SH2B1: variants seen among roughly 807,000 people sequenced by gnomAD.
The protein encoded by SH2B1 is SH2B adaptor protein 1.
In SH2B1, 15 loss-of-function variants were observed where a neutral mutation model predicts 62.6. That is an observed-to-expected ratio of 0.24 (90% CI 0.16 to 0.37). The LOEUF (loss-of-function observed/expected upper bound fraction) is 0.37, where lower values mean the gene tolerates loss of function less well. Ranked by LOEUF, SH2B1 falls within the 10% of genes least tolerant of loss-of-function variation. The pLI, the probability that SH2B1 is intolerant of heterozygous loss-of-function variation, is 1.00. For missense variants in SH2B1, 925 were observed against 1,015.6 expected (o/e 0.91, Z 1.21); for synonymous variants, 443 against 438.0 (o/e 1.01, Z -0.14).
chr16:28,852,878 TTATA>T lies in SH2B1; in HGVS notation c.-301+6057_-301+6060del, dbSNP rs373857735. ...TTTATATATATTTACATATATATTT[TTATA>T]TATATTTACATATATTTTTATATAT... On this transcript the variant is annotated intron_variant, in intron 1 of 10. Transcript: ENST00000322610. Among the ~76,000 whole-genome samples the T allele has an allele frequency of 6.7e-5, 3 of 45,000 alleles. 1 individual carries two copies. The highest frequency in any genetic ancestry group is 2.2e-4 in the African/African-American group (3 of 13,382). 29.5% of individuals were successfully genotyped at this position (45,000 alleles called of 152,430 possible).
chr16:28,847,770 GA>G (rs1962010340), intron 1 of SH2B1, among the ~76,000 whole-genome samples: 1 of 148,462 alleles, frequency 6.7e-6, no homozygotes, highest in Non-Finnish European at 1.5e-5. Flanking sequence ...GGTGAGGTAT[GA>G]TCATGACACT....
chr16:28,852,329 TAC>T (rs1253043458), intron 1 of SH2B1, among the ~76,000 whole-genome samples: 1 of 76,690 alleles, frequency 1.3e-5, no homozygotes, highest in African/African-American at 5.8e-5. Flanking sequence ...TATATATATT[TAC>T]ATATATATTT....
chr16:28,847,010 C>T (rs886961300), intron 1 of SH2B1, among the ~76,000 whole-genome samples: 1 of 152,158 alleles, frequency 6.6e-6, no homozygotes, highest in African/African-American at 2.4e-5. Flanking sequence ...CCTGTGAGGT[C>T]AGGCAGCTTG....
chr16:28,866,268 C>T lies in SH2B1; in HGVS notation c.174C>T (p.Pro58=), dbSNP rs774495215. 24 of 1,610,252 alleles carry T rather than the reference C, an allele frequency of 1.5e-5. No individual in the cohort carries two copies. The highest frequency in any genetic ancestry group is 1.6e-4 in the Middle Eastern group (1 of 6,072). Reference sequence around the variant, plus strand: ...CCTCCCACCCCCAATATGCGGGGCCCGGGGCCGAGGCTGCCTTCTCCCGCC... The same window carrying T: ...CCTCCCACCCCCAATATGCGGGGCCTGGGGCCGAGGCTGCCTTCTCCCGCC... The part of the protein sequence containing the change: ...YLASHPQYAG[P]GAEAAFSRRF... Residue 58 remains proline (P), a synonymous_variant, in exon 1 of 8, where the codon CCC becomes CCT. Transcript: ENST00000684370. This position sits in a 1 kb window ranked among gnomAD's most constrained non-coding sequence, Gnocchi z 6.3.
intron 4 of SH2B1, 74 bp from the exon 5 acceptor site, chr16:28,871,706 G>A: frequency 3.3e-6 from 4 of 1,212,242 alleles, no homozygotes; most frequent in Non-Finnish European, 4.9e-6. Flanking sequence ...GACTGCTGGT[G>A]AGGAGATGGG....
chr16:28,853,885 C>T (rs1010447428), intron 1 of SH2B1, among the ~76,000 whole-genome samples: 2 of 151,200 alleles, frequency 1.3e-5, no homozygotes, highest in Non-Finnish European at 2.9e-5. Flanking sequence ...CCTGTAGTCC[C>T]AGCTACTCGG....
chr16:28,869,408 C>A, intron 4 of SH2B1, 25 bp downstream of exon 4: 1 of 1,595,586 alleles, frequency 6.3e-7, no homozygotes, highest in South Asian at 1.1e-5. Context: ...TTAGAGAGCT[C>A]GGAGCCTCGG....
intron 1 of SH2B1, among the ~76,000 whole-genome samples, chr16:28,853,200 CAT>C (rs201582797): frequency 0.33 from 39,791 of 121,570 alleles, 8,231 homozygotes; most frequent in Admixed American, 0.38. Context: ...GAGTCTTGCT[CAT>C]ATATATATAT....
Position 28,866,689 on chromosome 16 carries a change from A to C in SH2B1, c.595A>C (p.Asn199His). The C allele has an allele frequency of 6.2e-7, 1 of 1,601,080 alleles. No individual in the cohort carries two copies. Among genetic ancestry groups the C allele is most frequent in the Non-Finnish European group, 8.5e-7 (1 of 1,172,990 alleles). ...CCCCCCAGTCTTAGGTGGAAACAGC[A>C]ACTCCAACTCCTCTGGCGGGGCTGG... ...SGPPVLGGNS[N>H]SNSSGGAGTV... is the part of the protein sequence containing the mutation. The change falls in exon 1 of 8, where the codon AAC (asparagine) becomes CAC (histidine). Residue 199 changes from asparagine to histidine, a missense_variant. Asn to His is a moderately conservative substitution (Grantham distance 68, BLOSUM62 1). Around this residue, in one of 3 missense-constraint regions of SH2B1, gnomAD observed 683 missense variants for 704.0 expected, o/e 0.97. Transcript: ENST00000684370. The surrounding 1 kb of genome is among the most constrained non-coding windows in gnomAD (Gnocchi z 6.3).
At chr16:28,846,713 C>T (rs1448124448) in exon 1 of SH2B1, 2 of 173,982 alleles carry the variant, frequency 1.1e-5, no homozygotes, top group African/African-American at 4.8e-5. Flanking sequence ...AGCTGCGGCT[C>T]CGACTGCTCA....
At chr16:28,863,825 G>A, upstream of SH2B1, 10 of 1,534,242 alleles carry the variant, frequency 6.5e-6, no homozygotes, top group Non-Finnish European at 8.7e-6. Flanking sequence ...CGGGAAAGGG[G>A]GTCCTGACGC....
chr16:28,861,195 C>T (rs572982670), upstream of SH2B1, among the ~76,000 whole-genome samples: 20 of 151,886 alleles, frequency 1.3e-4, no homozygotes, highest in Middle Eastern at 6.8e-3. Context: ...TGCCGTGGGA[C>T]GATTTTGGCT....
chr16:28,865,675 TGAA>T lies in SH2B1; in HGVS notation c.-419_-417del, dbSNP rs1248995276. 1.0e-6 allele frequency: 1 copy of T among 995,952 alleles called. No homozygotes were observed. Among genetic ancestry groups the T allele is most frequent in the Non-Finnish European group, 1.2e-6 (1 of 837,700 alleles). The allele number at this position is 995,952 out of a possible 1,614,324, so 61.7% of individuals were successfully genotyped here. ...AGAATGGCTCATGGGAAGTGTGACA[TGAA>T]TATTGGAGGATCCGATGTAGAGGGG... On this transcript the variant is annotated 5_prime_UTR_variant, in exon 1 of 8. It removes an upstream start codon present in the reference 5' UTR. Transcript: ENST00000684370.
intron 1 of SH2B1, among the ~76,000 whole-genome samples, chr16:28,848,067 C>T (rs1962023444): frequency 6.6e-6 from 1 of 151,790 alleles, no homozygotes; most frequent in African/African-American, 2.4e-5. Context: ...CTCAAGTGAT[C>T]CGCCCATTGT....
intron 2 of SH2B1, among the ~76,000 whole-genome samples, chr16:28,868,156 T>C (rs961222292): frequency 3.9e-4 from 58 of 149,516 alleles, no homozygotes; most frequent in Admixed American, 3.3e-3. Flanking sequence ...TTTATTTTTT[T>C]TGAGACAGAG....
In SH2B1 at chr16:28,863,922, C is replaced by T. The variant is rs1294156914; in HGVS notation, c.-2173C>T. The T allele has an allele frequency of 2.7e-6, 4 of 1,487,764 alleles. No homozygotes were observed. The highest frequency in any genetic ancestry group is 2.3e-5 in the Admixed American group (1 of 43,002). 92.2% of individuals were successfully genotyped at this position (1,487,764 alleles called of 1,614,324 possible). On this transcript the variant is annotated 5_prime_UTR_variant, in exon 1 of 8. Transcript: ENST00000684370. ...GCCGCCGCCGCCGCCGCCGCCGGAG[C>T]TAACCTCGGGGACCGAGATGCAGGT...
intron 1 of SH2B1, among the ~76,000 whole-genome samples, chr16:28,851,268 C>T (rs953529776): frequency 6.6e-6 from 1 of 151,822 alleles, no homozygotes; most frequent in Non-Finnish European, 1.5e-5. Flanking sequence ...CACTGTTCTC[C>T]CCTCCCCTCT....
At position 28,863,849 on chromosome 16, in the gene SH2B1, G is replaced by T. The variant is rs1017971258; in HGVS notation, c.-2246G>T. 7 of 1,528,348 alleles carry T rather than the reference G, an allele frequency of 4.6e-6. No individual in the cohort carries two copies. The highest frequency in any genetic ancestry group is 1.4e-5 in the African/African-American group (1 of 72,688). The allele number at this position is 1,528,348 out of a possible 1,614,324, so 94.7% of individuals were successfully genotyped here. A position where few individuals can be genotyped will look rare whatever the true frequency, so the allele number is the denominator to read the frequency against. On this transcript the variant is annotated 5_prime_UTR_variant, in exon 1 of 8. Coordinates refer to ENST00000684370, the MANE Select transcript of SH2B1 (RefSeq NM_001387430.1). Reference sequence around the variant, plus strand: ...GGGTCCTGACGCCTGCGCGGAACCGGGCTGGGCGCTCGTCGCGTAGTGGGT... The same window carrying T: ...GGGTCCTGACGCCTGCGCGGAACCGTGCTGGGCGCTCGTCGCGTAGTGGGT...
chr16:28,846,606 G>A (rs995377119), upstream of SH2B1: 47 of 419,726 alleles, frequency 1.1e-4, no homozygotes, highest in Middle Eastern at 2.0e-3. Flanking sequence ...GCTCATGGGC[G>A]TAGTAGTTCT....
Sources: gnomAD v4.1 joint callset for allele counts (sites outside exome capture counted in the v4.1 genomes callset) on GRCh38, gnomAD v4.1.1 for gene constraint, gnomAD v4.1.1 regional missense constraint, Gnocchi (gnomAD v3.1) non-coding constraint, MANE v1.5 for transcripts, NCBI Gene and HGNC (gene_info 2026-07-23, HGNC 2026-07-21) for gene names.